The following PCDH9 variants were observed in gnomAD, a reference collection of about 807,000 sequenced individuals.
PCDH9 encodes protocadherin-9.
Under a neutral mutation model 70.6 loss-of-function variants are expected in PCDH9, and 24 were observed. The observed-to-expected ratio is 0.34, with a 90% confidence interval of 0.25 to 0.48. The LOEUF (loss-of-function observed/expected upper bound fraction) is 0.48. Among genes scored for constraint, PCDH9 ranks in the 20% least tolerant of loss-of-function variants. PCDH9 has a pLI of 0.99. For synonymous variants in PCDH9, 562 were observed against 558.5 expected, an observed-to-expected ratio of 1.01 and a Z score of -0.09; for missense variants, 1,281 against 1,503.6, an observed-to-expected ratio of 0.85 and a Z score of 2.45.
chr13:66,363,549 C>T (rs188131426), intron 4 of PCDH9, among the ~76,000 whole-genome samples: 2 of 151,110 alleles, frequency 1.3e-5, no homozygotes, highest in East Asian at 1.9e-4. Flanking sequence ...AAAAGGCATA[C>T]ACACAACGTT....
chr13:67,127,340 C>A (rs1398466154), intron 2 of PCDH9, among the ~76,000 whole-genome samples: 1 of 152,072 alleles, frequency 6.6e-6, no homozygotes, highest in Non-Finnish European at 1.5e-5. Flanking sequence ...GGTCCAGACG[C>A]CTATGTCCTT....
chr13:66,594,383 CA>C (rs1314846502), intron 4 of PCDH9, among the ~76,000 whole-genome samples: 1 of 151,640 alleles, frequency 6.6e-6, no homozygotes, highest in Admixed American at 6.6e-5. Context: ...GAAAAATAAA[CA>C]GGTTTTGAAT....
rs577130242 is a variant in PCDH9, at chr13:66,501,116, G to A, written c.3340+130094C>T. Among the ~76,000 whole-genome samples the A allele has an allele frequency of 3.9e-5, 6 of 152,002 alleles. No homozygotes were observed. The East Asian group carries it at 5.8e-4, about 15-fold the overall frequency. On this transcript the variant is annotated intron_variant, in intron 4 of 4. Transcript: ENST00000377865. ...TTAATCAGCAGAAATCTCAAAAGGC[G>A]GGCCAAACTTAAGAACTGCTAAAAA...
chr13:67,094,692 C>T (rs969676693), intron 2 of PCDH9, among the ~76,000 whole-genome samples: 1 of 151,296 alleles, frequency 6.6e-6, no homozygotes, highest in Non-Finnish European at 1.5e-5. Context: ...TCTTCATAAG[C>T]ATATTTAATA....
chr13:66,786,357 A>T (rs757156043), intron 3 of PCDH9, among the ~76,000 whole-genome samples: 12 of 152,200 alleles, frequency 7.9e-5, no homozygotes, highest in Non-Finnish European at 1.8e-4. Flanking sequence ...AGCTGGCCCA[A>T]TACAATCCAA....
At chr13:66,545,791 C>T (rs1297362022) in intron 4 of PCDH9, among the ~76,000 whole-genome samples, 6 of 142,700 alleles carry the variant, frequency 4.2e-5, no homozygotes, top group Admixed American at 1.5e-4. Context: ...CTATGCTATA[C>T]CTTTCATTTT....
Position 66,929,512 on chromosome 13 carries a change from T to G in PCDH9, c.3037-25907A>C, listed in dbSNP as rs1000706700. On this transcript the variant is annotated intron_variant, in intron 2 of 4. Coordinates refer to ENST00000377865, the MANE Select transcript of PCDH9 (RefSeq NM_203487.3). ...CTAATTTTTGTATTTTTAGTACAGA[T>G]GGGGTTTCACCATGTAGGTCAGGGT... 1.1e-4 allele frequency among the ~76,000 whole-genome samples: 17 copies of G among 151,958 alleles called. 1 individual carries two copies. The highest frequency in any genetic ancestry group is 1.1e-3 in the Admixed American group (17 of 15,252).
chr13:66,912,172 C>A (rs1440243468), intron 2 of PCDH9, among the ~76,000 whole-genome samples: 2 of 152,078 alleles, frequency 1.3e-5, no homozygotes, highest in Non-Finnish European at 2.9e-5. Context: ...TAAGGGTGAA[C>A]ATTTCCAGAT....
chr13:66,414,074 A>G (rs916665657), intron 4 of PCDH9, among the ~76,000 whole-genome samples: 1 of 152,088 alleles, frequency 6.6e-6, no homozygotes, highest in African/African-American at 2.4e-5. Flanking sequence ...TTTATATCTT[A>G]AATGATTAAA....
At chr13:67,115,023 T>C (rs2086731488) in intron 2 of PCDH9, among the ~76,000 whole-genome samples, 1 of 152,202 alleles carries the variant, frequency 6.6e-6, no homozygotes, top group African/African-American at 2.4e-5. Flanking sequence ...TTTTATTGTT[T>C]GTTTTGTTTT....
intron 2 of PCDH9, among the ~76,000 whole-genome samples, chr13:66,958,813 T>C (rs1420229912): frequency 1.3e-5 from 2 of 152,208 alleles, no homozygotes; most frequent in African/African-American, 2.4e-5. Flanking sequence ...CTCAGCTAAG[T>C]ACCCACGCTA....
chr13:66,711,068 T>G (rs945351825), intron 3 of PCDH9, among the ~76,000 whole-genome samples: 1 of 152,146 alleles, frequency 6.6e-6, no homozygotes, highest in African/African-American at 2.4e-5. Context: ...TAGGGAATAT[T>G]TTTTGTCTAC....
chr13:67,127,236 T>C (rs2086999107), intron 2 of PCDH9, among the ~76,000 whole-genome samples: 1 of 152,160 alleles, frequency 6.6e-6, no homozygotes, highest in South Asian at 2.1e-4. Context: ...GCTGACCCGA[T>C]GAACTCAATG....
intron 2 of PCDH9, among the ~76,000 whole-genome samples, chr13:66,992,568 G>T (rs2084025124): frequency 6.6e-6 from 1 of 151,996 alleles, no homozygotes; most frequent in South Asian, 2.1e-4. Context: ...TTTTAATTTT[G>T]CAACTCTTTA....
chr13:67,084,728 T>C (rs1021433578), intron 2 of PCDH9, among the ~76,000 whole-genome samples: 2 of 151,516 alleles, frequency 1.3e-5, no homozygotes, highest in African/African-American at 4.9e-5. Context: ...CCTAGCACTT[T>C]GGTGGCTGAG....
Position 66,631,158 on chromosome 13 carries a change from C to T in PCDH9, c.3340+52G>A, listed in dbSNP as rs1376492087. 4.6e-6 allele frequency: 4 copies of T among 869,954 alleles called. No homozygotes were observed. The East Asian group carries it at 9.7e-5, about 21-fold the overall frequency. 53.9% of individuals were successfully genotyped at this position (869,954 alleles called of 1,614,324 possible). On this transcript the variant is annotated intron_variant, in intron 4 of 4. Coordinates refer to ENST00000377865, the MANE Select transcript of PCDH9 (RefSeq NM_203487.3). ...ACAATTATTTTTGAAAGCTCAAGTG[C>T]ACTACAAAACCAGAACAACTCCAAG...
chr13:66,968,035 T>A (rs1594324835), intron 2 of PCDH9, among the ~76,000 whole-genome samples: 2 of 152,076 alleles, frequency 1.3e-5, no homozygotes, highest in East Asian at 3.9e-4. Context: ...ATTCCATTTT[T>A]AGCAGTTCTG....
intron 3 of PCDH9, among the ~76,000 whole-genome samples, chr13:66,828,464 T>C (rs1376653004): frequency 1.3e-5 from 2 of 152,184 alleles, no homozygotes; most frequent in South Asian, 2.1e-4. Context: ...TCTACCACTA[T>C]TCATATCTCT....
At chr13:66,660,349 A>G (rs2077992215) in intron 3 of PCDH9, among the ~76,000 whole-genome samples, 1 of 109,884 alleles carries the variant, frequency 9.1e-6, no homozygotes, top group Non-Finnish European at 1.9e-5. Flanking sequence ...TTGACCTTAT[A>G]ATGAATCACT....
Sources: gnomAD v4.1 joint callset for allele counts (sites outside exome capture counted in the v4.1 genomes callset) on GRCh38, gnomAD v4.1.1 for gene constraint, MANE v1.5 for transcripts, NCBI Gene and HGNC (gene_info 2026-07-23, HGNC 2026-07-21) for gene names.